The following PTPRD variants were observed in gnomAD, a reference collection of about 807,000 sequenced individuals.
The protein encoded by PTPRD is receptor-type tyrosine-protein phosphatase delta.
Under a neutral mutation model 214.5 loss-of-function variants are expected in PTPRD, and 34 were observed. The ratio of observed to expected loss-of-function variants is 0.16; its 90% CI spans 0.12 to 0.21. The LOEUF (loss-of-function observed/expected upper bound fraction) is 0.21. PTPRD is among the 10% of genes least tolerant of loss of function. PTPRD has a pLI of 1.00. For missense variants in PTPRD, 2,545 were observed against 2,398.7 expected, an observed-to-expected ratio of 1.06 and a Z score of -1.27; for synonymous variants, 1,128 against 845.7, an observed-to-expected ratio of 1.33 and a Z score of -5.79.
intron 37 of PTPRD, among the ~76,000 whole-genome samples, chr9:8,386,739 TATA>T (rs1456307884): frequency 6.6e-5 from 10 of 152,226 alleles, no homozygotes. Context: ...ACATTGTTTT[TATA>T]GTGAAAGCCA....
At chr9:8,536,383 A>G (rs1376147847) in intron 14 of PTPRD, among the ~76,000 whole-genome samples, 3 of 151,986 alleles carry the variant, frequency 2.0e-5, no homozygotes. Context: ...TCTACATTTT[A>G]AAAATCCACA....
intron 7 of PTPRD, among the ~76,000 whole-genome samples, chr9:9,647,061 A>C (rs1235963877): frequency 6.6e-6 from 1 of 152,140 alleles, no homozygotes; most frequent in African/African-American, 2.4e-5. Context: ...ATCTGTGCTT[A>C]ATTCTAAATA....
chr9:9,007,041 G>A (rs1286717395), intron 11 of PTPRD, among the ~76,000 whole-genome samples: 1 of 151,746 alleles, frequency 6.6e-6, no homozygotes, highest in Non-Finnish European at 1.5e-5. Context: ...AGTAAGTTCA[G>A]CTTATCTTAA....
intron 9 of PTPRD, among the ~76,000 whole-genome samples, chr9:9,296,994 T>G (rs951033003): frequency 4.0e-5 from 6 of 151,736 alleles, no homozygotes; most frequent in African/African-American, 1.4e-4. Flanking sequence ...TGTTCAAATC[T>G]CTGCACCTTT....
At chr9:9,753,599 T>C (rs1329080289) in intron 6 of PTPRD, among the ~76,000 whole-genome samples, 1 of 151,774 alleles carries the variant, frequency 6.6e-6, no homozygotes, top group Non-Finnish European at 1.5e-5. Context: ...TCTGCCAGAG[T>C]GATGGTGGTT....
At chr9:10,351,773 AG>A (rs1423839141) in intron 2 of PTPRD, among the ~76,000 whole-genome samples, 1 of 151,610 alleles carries the variant, frequency 6.6e-6, no homozygotes, top group Non-Finnish European at 1.5e-5. Context: ...AAGCTTTTTG[AG>A]GAATGAAAAT....
intron 11 of PTPRD, among the ~76,000 whole-genome samples, chr9:8,892,657 G>C (rs1431352824): frequency 1.5e-5 from 2 of 135,582 alleles, no homozygotes; most frequent in East Asian, 4.2e-4. Flanking sequence ...GTATATATAT[G>C]AGTGTATATA....
At chr9:8,328,813 T>A (rs1344752522) in intron 44 of PTPRD, among the ~76,000 whole-genome samples, 1 of 152,106 alleles carries the variant, frequency 6.6e-6, no homozygotes, top group Non-Finnish European at 1.5e-5. Flanking sequence ...TCCACTTGAT[T>A]GATTTGGCTA....
rs75404709 is a variant in PTPRD at position 10,008,541 on chromosome 9, G to A, written c.-472+25177C>T. ...ATGCATGTTTGCTTAGCATGCATAT[G>A]TGTGCCCCATTTCATGCATATTCAC... On this transcript the variant is annotated intron_variant, in intron 4 of 45. Coordinates refer to ENST00000381196, the MANE Select transcript of PTPRD (RefSeq NM_002839.4). 4.8e-4 allele frequency among the ~76,000 whole-genome samples: 73 copies of A among 151,956 alleles called. No homozygotes were observed. The East Asian group carries it at 0.012, about 25-fold the overall frequency.
At chr9:10,028,578 CTTG>C (rs2096977286) in intron 4 of PTPRD, among the ~76,000 whole-genome samples, 1 of 152,134 alleles carries the variant, frequency 6.6e-6, no homozygotes, top group Non-Finnish European at 1.5e-5. Context: ...AGATGAGGGA[CTTG>C]TTGGGAACTG....
chr9:8,743,352 T>C (rs1260820016), intron 11 of PTPRD, among the ~76,000 whole-genome samples: 3 of 152,140 alleles, frequency 2.0e-5, no homozygotes, highest in Admixed American at 1.3e-4. Context: ...AGCTGTTAAA[T>C]GGAACAGACA....
At chr9:10,294,462 A>C (rs1218834158) in intron 3 of PTPRD, among the ~76,000 whole-genome samples, 3 of 151,892 alleles carry the variant, frequency 2.0e-5, no homozygotes, top group Non-Finnish European at 4.4e-5. Context: ...AATGACTGTA[A>C]ATCAAGTCAA....
intron 10 of PTPRD, among the ~76,000 whole-genome samples, chr9:9,034,847 C>A (rs767354345): frequency 1.3e-5 from 2 of 152,160 alleles, no homozygotes; most frequent in Non-Finnish European, 2.9e-5. Flanking sequence ...ATGAATGCTA[C>A]TTATTAATAG....
At position 9,394,832 on chromosome 9, in the gene PTPRD, G is replaced by A. The variant is rs764117701; in HGVS notation, c.-203+2617C>T. 2.6e-5 allele frequency among the ~76,000 whole-genome samples: 4 copies of A among 152,128 alleles called. No individual in the cohort carries two copies. The East Asian group carries it at 7.8e-4, about 29-fold the overall frequency. On this transcript the variant is annotated intron_variant, in intron 9 of 45. Transcript: ENST00000381196. ...ATTTTTGATTAAAATCATCTGGGAT[G>A]ATTATTAAAATCCAGATCCCTGCCC... is the stretch of plus-strand genomic sequence containing the variant.
At chr9:10,390,188 T>G (rs2098028256) in intron 2 of PTPRD, among the ~76,000 whole-genome samples, 1 of 151,854 alleles carries the variant, frequency 6.6e-6, no homozygotes, top group African/African-American at 2.4e-5. Context: ...TATATCTTAC[T>G]TATCTCTGTA....
intron 2 of PTPRD, among the ~76,000 whole-genome samples, chr9:10,555,469 A>G (rs553631401): frequency 6.6e-6 from 1 of 152,276 alleles, no homozygotes; most frequent in East Asian, 1.9e-4. Flanking sequence ...ATTCCCTTGC[A>G]GTTCTGGGCT....
At chr9:9,471,787 T>C (rs2094605648) in intron 8 of PTPRD, among the ~76,000 whole-genome samples, 1 of 152,098 alleles carries the variant, frequency 6.6e-6, no homozygotes, top group Non-Finnish European at 1.5e-5. Context: ...ACCCCCATTA[T>C]ATTTCATGCA....
intron 3 of PTPRD, among the ~76,000 whole-genome samples, chr9:10,211,086 A>G (rs1177365360): frequency 6.6e-6 from 1 of 151,908 alleles, no homozygotes; most frequent in African/African-American, 2.4e-5. Flanking sequence ...TATTTAATAT[A>G]TCTTGGGAAA....
chr9:8,409,721 CCCG>C (rs1398380430), intron 35 of PTPRD, among the ~76,000 whole-genome samples: 12 of 152,152 alleles, frequency 7.9e-5, no homozygotes, highest in African/African-American at 1.7e-4. Flanking sequence ...TTTCCCTCAT[CCCG>C]CCAAGAGAAA....
Sources: gnomAD v4.1 joint callset for allele counts (sites outside exome capture counted in the v4.1 genomes callset) on GRCh38, gnomAD v4.1.1 for gene constraint, MANE v1.5 for transcripts, NCBI Gene and HGNC (gene_info 2026-07-23, HGNC 2026-07-21) for gene names.